HIVEP3: variants seen among roughly 807,000 people sequenced by gnomAD.
The protein encoded by HIVEP3 is transcription factor HIVEP3.
In HIVEP3, 49 loss-of-function variants were observed where a neutral mutation model predicts 152.8. The ratio of observed to expected loss-of-function variants is 0.32; its 90% CI spans 0.26 to 0.41. The LOEUF (loss-of-function observed/expected upper bound fraction) is 0.41. Among genes scored for constraint, HIVEP3 ranks in the 10% least tolerant of loss-of-function variants. The pLI, the probability that HIVEP3 is intolerant of heterozygous loss-of-function variation, is 1.00. For synonymous variants in HIVEP3, 1,269 were observed against 1,289.0 expected, an observed-to-expected ratio of 0.98 and a Z score of 0.33; for missense variants, 2,790 against 3,103.3, an observed-to-expected ratio of 0.90 and a Z score of 2.40.
chr1:41,679,415 G>C (rs1265258366), intron 2 of HIVEP3, among the ~76,000 whole-genome samples: 1 of 152,180 alleles, frequency 6.6e-6, no homozygotes, highest in Non-Finnish European at 1.5e-5. Flanking sequence ...TCTGAACATA[G>C]AAAGGACAGA....
intron 1 of HIVEP3, among the ~76,000 whole-genome samples, chr1:41,723,630 C>T (rs1246095904): frequency 6.6e-6 from 1 of 152,050 alleles, no homozygotes. Flanking sequence ...CATTTTATTG[C>T]CTATGAGCAC....
At chr1:41,768,610 C>T (rs1648157285) in intron 1 of HIVEP3, among the ~76,000 whole-genome samples, 1 of 152,220 alleles carries the variant, frequency 6.6e-6, no homozygotes, top group African/African-American at 2.4e-5. Context: ...CCCTTGTTAA[C>T]CAGCTTCCCT....
chr1:41,529,090 C>T (rs889488324), intron 5 of HIVEP3, among the ~76,000 whole-genome samples: 1 of 143,376 alleles, frequency 7.0e-6, no homozygotes, highest in African/African-American at 2.6e-5. Flanking sequence ...CATCCTCACC[C>T]CACACCCTCA....
chr1:41,764,805 T>C (rs1464991833), intron 1 of HIVEP3, among the ~76,000 whole-genome samples: 1 of 152,082 alleles, frequency 6.6e-6, no homozygotes, highest in African/African-American at 2.4e-5. Flanking sequence ...TTTTTGACAA[T>C]CCGTCAGCTG....
intron 1 of HIVEP3, among the ~76,000 whole-genome samples, chr1:41,866,047 A>G (rs2225104): frequency 0.91 from 137,910 of 152,276 alleles, 62,775 homozygotes; most frequent in African/African-American, 0.98. Flanking sequence ...CCTACTGTCC[A>G]TTAACAAAAC....
At chr1:41,737,953 CCTGTT>C (rs1646942966) in intron 1 of HIVEP3, among the ~76,000 whole-genome samples, 1 of 152,218 alleles carries the variant, frequency 6.6e-6, no homozygotes, top group Non-Finnish European at 1.5e-5. Flanking sequence ...CTTTGCTGTA[CCTGTT>C]CTGTTCTGTG....
intron 1 of HIVEP3, among the ~76,000 whole-genome samples, chr1:41,827,898 AGAG>A (rs2124352273): frequency 6.6e-6 from 1 of 152,172 alleles, no homozygotes; most frequent in East Asian, 1.9e-4. Flanking sequence ...GAGAGTCAAT[AGAG>A]GAGGACCCCA....
chr1:41,623,588 C>T (rs1645075655), intron 3 of HIVEP3, among the ~76,000 whole-genome samples: 1 of 152,202 alleles, frequency 6.6e-6, no homozygotes, highest in Non-Finnish European at 1.5e-5. Context: ...AGGCCTGGCT[C>T]TCTTCCTTGC....
chr1:41,906,621 T>TGGTTTAA (rs1445568390), intron 1 of HIVEP3, among the ~76,000 whole-genome samples: 1 of 152,138 alleles, frequency 6.6e-6, no homozygotes, highest in Non-Finnish European at 1.5e-5. Context: ...ATGGCTACAC[T>TGGTTTAA]GGTGCAGATA....
At chr1:41,618,296 A>C (rs1484127753) in intron 3 of HIVEP3, among the ~76,000 whole-genome samples, 1 of 152,228 alleles carries the variant, frequency 6.6e-6, no homozygotes, top group Non-Finnish European at 1.5e-5. Flanking sequence ...ATGCCGGGCC[A>C]GGAGGTTAAC....
intron 1 of HIVEP3, among the ~76,000 whole-genome samples, chr1:41,738,020 C>G (rs747831640): frequency 6.6e-6 from 1 of 152,314 alleles, no homozygotes; most frequent in Non-Finnish European, 1.5e-5. Context: ...TATAGAGGAC[C>G]ATGAAGCTCA....
intron 1 of HIVEP3, among the ~76,000 whole-genome samples, chr1:41,751,442 C>T (rs539048080): frequency 6.7e-6 from 1 of 150,096 alleles, no homozygotes; most frequent in African/African-American, 2.4e-5. Flanking sequence ...CGCATTTCAC[C>T]ATGAGTAGGT....
At chr1:41,624,456 A>G (rs1645088613) in intron 3 of HIVEP3, among the ~76,000 whole-genome samples, 1 of 152,232 alleles carries the variant, frequency 6.6e-6, no homozygotes. Context: ...TGGTTTGTGC[A>G]GACCTCAGAT....
chr1:41,936,538 T>C (rs1645021244), intron 1 of HIVEP3, among the ~76,000 whole-genome samples: 1 of 152,168 alleles, frequency 6.6e-6, no homozygotes, highest in South Asian at 2.1e-4. Context: ...GGTGGGAAAA[T>C]ATAAAATATC....
At chr1:41,576,483 G>T (rs1271334753) in intron 4 of HIVEP3, among the ~76,000 whole-genome samples, 2 of 152,220 alleles carry the variant, frequency 1.3e-5, no homozygotes. Context: ...GTTGTCAGGG[G>T]TGGGTGCACT....
intron 1 of HIVEP3, among the ~76,000 whole-genome samples, chr1:41,775,036 C>T (rs1239561754): frequency 1.3e-5 from 2 of 151,964 alleles, no homozygotes; most frequent in East Asian, 3.9e-4. Context: ...ATCCTGGGCT[C>T]AAGCAATCCT....
At chr1:41,809,668 G>A (rs910100979) in intron 1 of HIVEP3, among the ~76,000 whole-genome samples, 1 of 152,172 alleles carries the variant, frequency 6.6e-6, no homozygotes, top group Non-Finnish European at 1.5e-5. Context: ...TTAATGAAAA[G>A]AATAAATGCC....
rs571810037 is a variant in HIVEP3 at position 41,840,133 on chromosome 1, G to A, written c.-801+78280C>T. Reference sequence around the variant, plus strand: ...TATGAATCAGTTTGCCACCGTCCCCGCCTCTTTGTCACTTGTTCCTGAAAA... The same window carrying A: ...TATGAATCAGTTTGCCACCGTCCCCACCTCTTTGTCACTTGTTCCTGAAAA... On this transcript the variant is annotated intron_variant, in intron 1 of 8. Coordinates refer to ENST00000372583, the MANE Select transcript of HIVEP3 (RefSeq NM_024503.5). Among the ~76,000 whole-genome samples, 14 of 152,214 alleles carry A rather than the reference G, an allele frequency of 9.2e-5. No individual in the cohort carries two copies. In the East Asian group the frequency reaches 2.1e-3, roughly 23 times the overall value.
intron 1 of HIVEP3, among the ~76,000 whole-genome samples, chr1:41,758,846 T>G (rs907561548): frequency 6.6e-6 from 1 of 152,170 alleles, no homozygotes; most frequent in Non-Finnish European, 1.5e-5. Context: ...CTTAGACACC[T>G]CCCTTTTAGG....
Sources: allele counts gnomAD v4.1 joint callset (sites outside exome capture counted in the v4.1 genomes callset), GRCh38; gene constraint gnomAD v4.1.1; transcripts MANE v1.5; gene names NCBI Gene and HGNC (gene_info 2026-07-23, HGNC 2026-07-21).